Variants in PRR16 observed in about 807,000 individuals in gnomAD.
PRR16 encodes the protein proline rich 16.
In PRR16, 6 loss-of-function variants were observed where a neutral mutation model predicts 18.2. The observed-to-expected ratio is 0.33, with a 90% confidence interval of 0.18 to 0.65. The LOEUF (loss-of-function observed/expected upper bound fraction) is 0.65, where lower values mean the gene tolerates loss of function less well. Among genes scored for constraint, PRR16 ranks in the 30% least tolerant of loss-of-function variants. PRR16 has a pLI of 0.74. For missense variants in PRR16, 412 were observed against 376.6 expected, an observed-to-expected ratio of 1.09 and a Z score of -0.78; for synonymous variants, 151 against 147.8, an observed-to-expected ratio of 1.02 and a Z score of -0.16.
At chr5:120,537,156 A>G (rs910312014) in intron 1 of PRR16, among the ~76,000 whole-genome samples, 2 of 152,206 alleles carry the variant, frequency 1.3e-5, no homozygotes, top group Admixed American at 6.5e-5. Context: ...GAGTTTATCT[A>G]TATAACAAAC....
At chr5:120,782,679 C>T in the PRR16 span, among the ~76,000 whole-genome samples, 1 of 152,236 alleles carries the variant, frequency 6.6e-6, no homozygotes, top group Middle Eastern at 3.4e-3. Flanking sequence ...TTAAGTGGTA[C>T]ATCTAGAGAG....
At chr5:120,673,957 G>GAAA (rs5870917) in intron 1 of PRR16, among the ~76,000 whole-genome samples, 2 of 145,904 alleles carry the variant, frequency 1.4e-5, no homozygotes, top group African/African-American at 2.5e-5. Flanking sequence ...CTTTCTCAAA[G>GAAA]AAAAAAAAAA....
the PRR16 span, among the ~76,000 whole-genome samples, chr5:120,728,564 G>C: frequency 2.0e-5 from 3 of 152,062 alleles, no homozygotes; most frequent in African/African-American, 7.2e-5. Context: ...ATATAAGGGG[G>C]TGATTAGGAA....
At chr5:120,757,475 T>A in the PRR16 span, among the ~76,000 whole-genome samples, 1 of 152,136 alleles carries the variant, frequency 6.6e-6, no homozygotes, top group African/African-American at 2.4e-5. Flanking sequence ...ATTTGTCTCA[T>A]CTGTGAGTTC....
At chr5:120,579,516 C>T (rs747806655) in intron 1 of PRR16, among the ~76,000 whole-genome samples, 57 of 152,112 alleles carry the variant, frequency 3.7e-4, no homozygotes, top group African/African-American at 7.7e-4. Context: ...GAGATCCTTT[C>T]CCGTTTGCTT....
chr5:120,562,405 T>G (rs931694578), intron 1 of PRR16, among the ~76,000 whole-genome samples: 5 of 152,118 alleles, frequency 3.3e-5, no homozygotes, highest in Non-Finnish European at 5.9e-5. Context: ...AGGCAACAGA[T>G]TACTGTGACT....
the PRR16 span, among the ~76,000 whole-genome samples, chr5:120,703,754 T>C: frequency 3.3e-5 from 5 of 152,234 alleles, no homozygotes; most frequent in African/African-American, 1.2e-4. Context: ...AGTTTTCTTA[T>C]TGATGGTTAA....
intron 1 of PRR16, among the ~76,000 whole-genome samples, chr5:120,474,693 T>C (rs1317705688): frequency 1.3e-5 from 2 of 152,140 alleles, no homozygotes; most frequent in East Asian, 3.8e-4. Context: ...CCAATTTCCA[T>C]CCACCACTTC....
Position 120,616,629 on chromosome 5 carries a change from C to T in PRR16, c.160-69325C>T, listed in dbSNP as rs566717095. On this transcript the variant is annotated intron_variant, in intron 1 of 1. Transcript: ENST00000407149. ...ACCACATTAGTTGCGTGTTTATATCCGTTTCTGTGATATGCTTGACTGTCT... is the reference window on the plus strand; with the variant it reads ...ACCACATTAGTTGCGTGTTTATATCTGTTTCTGTGATATGCTTGACTGTCT... 4.6e-5 allele frequency among the ~76,000 whole-genome samples: 7 copies of T among 152,196 alleles called. No homozygotes were observed. In the South Asian group the frequency reaches 1.2e-3, roughly 27 times the overall value.
At chr5:120,486,612 T>C (rs1390204080) in intron 1 of PRR16, among the ~76,000 whole-genome samples, 1 of 152,216 alleles carries the variant, frequency 6.6e-6, no homozygotes, top group Non-Finnish European at 1.5e-5. Context: ...TTCACTCTGA[T>C]GGTAGTTTCT....
the PRR16 span, among the ~76,000 whole-genome samples, chr5:120,751,565 C>T: frequency 6.6e-6 from 1 of 151,926 alleles, no homozygotes; most frequent in Non-Finnish European, 1.5e-5. Context: ...TTTAGCTTTA[C>T]AGTTTAAATT....
At chr5:120,659,729 G>T (rs1309190750) in intron 1 of PRR16, among the ~76,000 whole-genome samples, 5 of 151,766 alleles carry the variant, frequency 3.3e-5, no homozygotes, top group Admixed American at 3.3e-4. Context: ...CTTGTCTCTT[G>T]TATTTATACT....
intron 1 of PRR16, among the ~76,000 whole-genome samples, chr5:120,479,020 G>A (rs903242070): frequency 5.9e-5 from 9 of 151,864 alleles, no homozygotes; most frequent in South Asian, 2.1e-4. Flanking sequence ...TTAAAACACC[G>A]AGAAATTAGG....
intron 1 of PRR16, among the ~76,000 whole-genome samples, chr5:120,539,809 G>A (rs1175149474): frequency 6.6e-6 from 1 of 152,138 alleles, no homozygotes; most frequent in African/African-American, 2.4e-5. Context: ...ATTGGATGTT[G>A]TGAAAAACAC....
rs1749008130 is a variant in PRR16, at chr5:120,464,393, G to C, written c.-94G>C. Reference sequence around the variant, plus strand: ...GGAGCGCCCAAGATGTGGGGGGACCGGGGCGGCAGCGGCCGTAGCAGCGCC... The same window carrying C: ...GGAGCGCCCAAGATGTGGGGGGACCCGGGCGGCAGCGGCCGTAGCAGCGCC... On this transcript the variant is annotated 5_prime_UTR_variant, in exon 1 of 2. Coordinates refer to ENST00000407149, the MANE Select transcript of PRR16 (RefSeq NM_001300783.2). 8 of 1,378,742 alleles carry C rather than the reference G, an allele frequency of 5.8e-6. No homozygotes were observed. The highest frequency in any genetic ancestry group is 7.7e-6 in the Non-Finnish European group (8 of 1,040,756). 85.4% of individuals were successfully genotyped at this position (1,378,742 alleles called of 1,614,324 possible). A position where few individuals can be genotyped will look rare whatever the true frequency, so the allele number is the denominator to read the frequency against.
chr5:120,549,360 A>G (rs1410617094), intron 1 of PRR16, among the ~76,000 whole-genome samples: 3 of 152,062 alleles, frequency 2.0e-5, no homozygotes, highest in African/African-American at 7.2e-5. Context: ...TATCGTTGTG[A>G]GCCACCACAC....
At chr5:120,654,520 AAAATT>A (rs1241043629) in intron 1 of PRR16, among the ~76,000 whole-genome samples, 9 of 151,898 alleles carry the variant, frequency 5.9e-5, no homozygotes, top group Non-Finnish European at 7.4e-5. Context: ...ACCTCCAACA[AAAATT>A]AAATTCAGAG....
chr5:120,689,395 C>A (rs972550856), downstream of PRR16, among the ~76,000 whole-genome samples: 2 of 152,114 alleles, frequency 1.3e-5, no homozygotes, highest in Admixed American at 6.6e-5. Flanking sequence ...ACAGTTTTTG[C>A]AATCAGCCAA....
chr5:120,611,620 G>T (rs1754337273), intron 1 of PRR16, among the ~76,000 whole-genome samples: 1 of 152,206 alleles, frequency 6.6e-6, no homozygotes, highest in African/African-American at 2.4e-5. Context: ...TGTTGAGCCT[G>T]CAAGTACACA....
Sources: gnomAD v4.1 joint callset for allele counts (sites outside exome capture counted in the v4.1 genomes callset) on GRCh38, gnomAD v4.1.1 for gene constraint, MANE v1.5 for transcripts, NCBI Gene and HGNC (gene_info 2026-07-23, HGNC 2026-07-21) for gene names.